The following SENP5 variants were observed in gnomAD, a reference collection of about 807,000 sequenced individuals.
SENP5 encodes sentrin-specific protease 5.
Under a neutral mutation model 74.2 loss-of-function variants are expected in SENP5, and 21 were observed. That is an observed-to-expected ratio of 0.28 (90% confidence interval 0.20 to 0.41). SENP5 has a LOEUF of 0.41. Among genes scored for constraint, SENP5 ranks in the 10% least tolerant of loss-of-function variants. The probability of loss-of-function intolerance (pLI) is 1.00; values close to 1 mark genes in which losing one functional copy is unlikely to be tolerated. For missense variants in SENP5, 717 were observed against 889.1 expected (o/e 0.81, Z 2.46); for synonymous variants, 311 against 312.7 (o/e 0.99, Z 0.06).
At chr3:196,871,075 C>T (rs889056417) in intron 1 of SENP5, among the ~76,000 whole-genome samples, 1 of 151,858 alleles carries the variant, frequency 6.6e-6, no homozygotes, top group Admixed American at 6.6e-5. Context: ...GAGGCTGAGG[C>T]AGGAGAATCG....
intron 1 of SENP5, among the ~76,000 whole-genome samples, chr3:196,879,035 G>A (rs184052291): frequency 6.6e-6 from 1 of 152,238 alleles, no homozygotes; most frequent in East Asian, 1.9e-4. Context: ...AGATACCACT[G>A]TATCTTCCCA....
chr3:196,928,930 C>CT (rs1318028301), intron 8 of SENP5, among the ~76,000 whole-genome samples: 1 of 152,178 alleles, frequency 6.6e-6, no homozygotes, highest in Non-Finnish European at 1.5e-5. Context: ...TGGCTCACAC[C>CT]TGTAATCCCA....
intron 1 of SENP5, among the ~76,000 whole-genome samples, chr3:196,880,049 G>A (rs930537948): frequency 1.3e-5 from 2 of 151,846 alleles, no homozygotes; most frequent in African/African-American, 2.4e-5. Flanking sequence ...GGGTTCAAGT[G>A]ATTCTCCTGC....
chr3:196,877,177 A>G (rs1366887301), intron 1 of SENP5, among the ~76,000 whole-genome samples: 1 of 151,838 alleles, frequency 6.6e-6, no homozygotes, highest in Admixed American at 6.6e-5. Context: ...ATTTTTTTTA[A>G]TTTTTAATTT....
At chr3:196,916,893 G>T (rs1012925619) in intron 6 of SENP5, among the ~76,000 whole-genome samples, 2 of 152,068 alleles carry the variant, frequency 1.3e-5, no homozygotes, top group Admixed American at 1.3e-4. Flanking sequence ...CAGCATTTTG[G>T]GAGGCCTAGG....
In SENP5 at chr3:196,887,929, G is replaced by C. The variant is rs569407334; in HGVS notation, c.1513+1235G>C. ...ACTACAGGCACACGCTACCATGCCC[G>C]GCTAATTTTTTGTATTTTAGTAGAG... On this transcript the variant is annotated intron_variant, in intron 2 of 9. Transcript: ENST00000323460. 3.9e-5 allele frequency among the ~76,000 whole-genome samples: 6 copies of C among 151,992 alleles called. No homozygotes were observed. The East Asian group carries it at 9.7e-4, about 25-fold the overall frequency.
In SENP5 at chr3:196,930,987, C is replaced by T; in HGVS notation, c.*64C>T. 1 of 994,922 alleles carries T rather than the reference C, an allele frequency of 1.0e-6. No homozygotes were observed. Among genetic ancestry groups the T allele is most frequent in the Non-Finnish European group, 1.6e-6 (1 of 622,020 alleles). 61.6% of individuals were successfully genotyped at this position (994,922 alleles called of 1,614,324 possible). On this transcript the variant is annotated 3_prime_UTR_variant, in exon 10 of 10. Coordinates refer to ENST00000323460, the MANE Select transcript of SENP5 (RefSeq NM_152699.5). ...GCAGATGGTTTGTTACTTGAATCTC[C>T]AAACACTTAGTTGAATTTTTACAGA...
intron 5 of SENP5, among the ~76,000 whole-genome samples, chr3:196,902,701 T>C (rs1008400148): frequency 2.6e-5 from 4 of 152,218 alleles, no homozygotes; most frequent in Admixed American, 1.3e-4. Flanking sequence ...GATCACAATA[T>C]GTTTACCCTC....
At position 196,885,981 on chromosome 3, in the gene SENP5, G is replaced by A; in HGVS notation, c.800G>A (p.Trp267Ter). 1 of 1,614,226 alleles carries A rather than the reference G, an allele frequency of 6.2e-7. No homozygotes were observed. The highest frequency in any genetic ancestry group is 8.5e-7 in the Non-Finnish European group (1 of 1,180,044). ...AAGCTAAGAAAAGCCCAGCGAAGCTGGGTACAGAAAGTCACTGGGGACCAT... is the reference window on the plus strand; with the variant it reads ...AAGCTAAGAAAAGCCCAGCGAAGCTAGGTACAGAAAGTCACTGGGGACCAT... The part of the protein sequence containing the change: ...VCKLRKAQRS[W>*]VQKVTGDHQE... The change falls in exon 2 of 10, where the codon TGG becomes TAG. Residue 267 changes from tryptophan (W) to a stop codon, truncating the protein, a stop_gained. Transcript: ENST00000323460. LOFTEE classifies it high-confidence loss of function.
In SENP5 at chr3:196,933,507, A is replaced by T. The variant is rs895431997; in HGVS notation, c.*2584A>T. 1.3e-5 allele frequency: 2 copies of T among 152,106 alleles called. No individual in the cohort carries two copies. The highest frequency in any genetic ancestry group is 2.4e-5 in the African/African-American group (1 of 41,398). The allele number at this position is 152,106 out of a possible 1,614,324, so 9.4% of individuals were successfully genotyped here. A position where few individuals can be genotyped will look rare whatever the true frequency, so the allele number is the denominator to read the frequency against. On this transcript the variant is annotated 3_prime_UTR_variant, in exon 10 of 10. Coordinates refer to ENST00000323460, the MANE Select transcript of SENP5 (RefSeq NM_152699.5). ...CCTTGGTTAATAAAGATATTTTTGAAATATACTCTGGACTGTTGGTGAAAG... is the reference window on the plus strand; with the variant it reads ...CCTTGGTTAATAAAGATATTTTTGATATATACTCTGGACTGTTGGTGAAAG...
chr3:196,917,724 A>C (rs1224438005), intron 6 of SENP5, among the ~76,000 whole-genome samples: 1 of 152,218 alleles, frequency 6.6e-6, no homozygotes, highest in Non-Finnish European at 1.5e-5. Flanking sequence ...TATACTTCAA[A>C]CATGAAGGAG....
chr3:196,898,517 C>T (rs566035385), intron 2 of SENP5, among the ~76,000 whole-genome samples: 1 of 151,622 alleles, frequency 6.6e-6, no homozygotes, highest in East Asian at 2.0e-4. Context: ...ATGGCTTGAG[C>T]CCAGGAGTTT....
intron 1 of SENP5, among the ~76,000 whole-genome samples, chr3:196,884,674 GTTTTTTTTTT>G (rs529240359): frequency 1.4e-5 from 2 of 138,602 alleles, no homozygotes; most frequent in Non-Finnish European, 3.1e-5. Context: ...GTTTTTTTTT[GTTTTTTTTTT>G]TTTTGAGATG....
chr3:196,925,587 C>G (rs1437891826), intron 7 of SENP5, among the ~76,000 whole-genome samples: 1 of 152,222 alleles, frequency 6.6e-6, no homozygotes, highest in Non-Finnish European at 1.5e-5. Flanking sequence ...TTTACTGTGC[C>G]TCTTGCTTTG....
chr3:196,887,296 C>A (rs915697759), intron 2 of SENP5, among the ~76,000 whole-genome samples: 1 of 152,044 alleles, frequency 6.6e-6, no homozygotes, highest in African/African-American at 2.4e-5. Context: ...TCTCCTGTCT[C>A]AACCCCCCGA....
At chr3:196,871,271 T>A (rs1370772447) in intron 1 of SENP5, among the ~76,000 whole-genome samples, 1 of 152,182 alleles carries the variant, frequency 6.6e-6, no homozygotes, top group Non-Finnish European at 1.5e-5. Flanking sequence ...AATAGCTGAA[T>A]CTCTAAAATT....
chr3:196,873,178 A>G lies in SENP5; in HGVS notation c.-32+5105A>G, dbSNP rs561511544. Among the ~76,000 whole-genome samples the G allele has an allele frequency of 9.4e-4, 141 of 150,564 alleles. 2 individuals are homozygous for G. In the South Asian group the frequency reaches 0.026, roughly 28 times the overall value. Reference sequence around the variant, plus strand: ...AACCTCCACCTCCCAGGTTCAAGCAATTGTCCTGCCTCAGCCTCCCAAGTA... The same window carrying G: ...AACCTCCACCTCCCAGGTTCAAGCAGTTGTCCTGCCTCAGCCTCCCAAGTA... On this transcript the variant is annotated intron_variant, in intron 1 of 9. Coordinates refer to ENST00000323460, the MANE Select transcript of SENP5 (RefSeq NM_152699.5).
In SENP5 at chr3:196,920,165, TC is replaced by T. The variant is rs376978086; in HGVS notation, c.1885-3248del. 1.1e-3 allele frequency among the ~76,000 whole-genome samples: 162 copies of T among 152,358 alleles called. 5 individuals are homozygous for T. In the South Asian group the frequency reaches 0.033, roughly 31 times the overall value. On this transcript the variant is annotated intron_variant, in intron 6 of 9. Transcript: ENST00000323460. ...TACATTAGTTTGGGGAGAATGGACA[TC>T]TAATAATAGTAAGCCTTTCAGTGTA...
chr3:196,915,930 T>G (rs1312709891), intron 6 of SENP5, among the ~76,000 whole-genome samples: 1 of 152,154 alleles, frequency 6.6e-6, no homozygotes, highest in Non-Finnish European at 1.5e-5. Flanking sequence ...CTGGAAAGCC[T>G]TCTCAAGAAG....
Sources: allele counts gnomAD v4.1 joint callset (sites outside exome capture counted in the v4.1 genomes callset), GRCh38; gene constraint gnomAD v4.1.1; transcripts MANE v1.5; gene names NCBI Gene and HGNC (gene_info 2026-07-23, HGNC 2026-07-21).